Variants in RFX6 observed in about 807,000 individuals in gnomAD.
RFX6 encodes regulatory factor X6.
RFX6 carries 50 observed loss-of-function variants against 110.8 expected under a neutral mutation model. The ratio of observed to expected loss-of-function variants is 0.45; its 90% CI spans 0.36 to 0.57. The LOEUF is 0.57. Among genes scored for constraint, RFX6 ranks in the 20% least tolerant of loss-of-function variants. RFX6 has a pLI of 0.00. For synonymous variants in RFX6, 383 were observed against 411.2 expected (o/e 0.93, Z 0.83); for missense variants, 990 against 1,127.0 (o/e 0.88, Z 1.74).
intron 12 of RFX6, 102 bp downstream of exon 12, chr6:116,920,556 G>A: frequency 5.0e-6 from 5 of 994,868 alleles, no homozygotes; most frequent in East Asian, 4.8e-5. Context: ...GTGTGCTGTA[G>A]GATGTTTAGC....
chr6:116,897,977 G>A (rs1774986617), intron 6 of RFX6, among the ~76,000 whole-genome samples: 1 of 151,996 alleles, frequency 6.6e-6, no homozygotes, highest in Non-Finnish European at 1.5e-5. Flanking sequence ...TGAATGAGAA[G>A]ACAAGAGGTT....
intron 6 of RFX6, among the ~76,000 whole-genome samples, chr6:116,906,956 G>A (rs777439412): frequency 2.8e-4 from 43 of 151,274 alleles, no homozygotes; most frequent in Middle Eastern, 3.2e-3. Context: ...TGATCTTTGA[G>A]GAAAAGCTTT....
Position 116,877,889 on chromosome 6 carries a change from A to G in RFX6, c.317A>G (p.Gln106Arg), listed in dbSNP as rs1774499108. 6.2e-7 allele frequency: 1 copy of G among 1,614,038 alleles called. No homozygotes were observed. Among genetic ancestry groups the G allele is most frequent in the Non-Finnish European group, 8.5e-7 (1 of 1,179,994 alleles). Reference protein sequence around the residue: ...KTKAADQYLSQKKTITQIVKD... With the variant: ...KTKAADQYLSRKKTITQIVKD... The stretch of plus-strand genomic sequence containing the variant: ...AAAGCAGCGGATCAATACCTGTCTC[A>G]GAAGAAAACCATCACGCAGATTGTG... Residue 106 changes from glutamine to arginine, a missense_variant, in exon 2 of 19, where the codon CAG becomes CGG. By Grantham distance (43) the Gln-to-Arg change is conservative. Around this residue, in one of 5 missense-constraint regions of RFX6, gnomAD observed 175 missense variants for 162.3 expected, o/e 1.08. Coordinates refer to ENST00000332958, the MANE Select transcript of RFX6 (RefSeq NM_173560.4).
chr6:116,930,880 T>C (rs1479399915), intron 18 of RFX6, among the ~76,000 whole-genome samples: 3 of 152,072 alleles, frequency 2.0e-5, no homozygotes, highest in Non-Finnish European at 4.4e-5. Context: ...CACTATGGCA[T>C]TTGAGACGAG....
intron 7 of RFX6, among the ~76,000 whole-genome samples, chr6:116,915,750 A>G (rs1775447996): frequency 6.6e-6 from 1 of 152,072 alleles, no homozygotes; most frequent in Non-Finnish European, 1.5e-5. Context: ...TAAAACTAGG[A>G]TGTTACTTTG....
intron 3 of RFX6, among the ~76,000 whole-genome samples, chr6:116,881,241 T>TAG (rs1386143029): frequency 1.3e-5 from 2 of 152,156 alleles, no homozygotes; most frequent in Non-Finnish European, 1.5e-5. Flanking sequence ...TGCTTATATA[T>TAG]AGAGAGAGAG....
chr6:116,927,571 T>G, intron 17 of RFX6, 32 bp downstream of exon 17: 5 of 1,591,438 alleles, frequency 3.1e-6, no homozygotes, highest in South Asian at 1.1e-5. Flanking sequence ...TTTCTTGGTT[T>G]TTGAGATGGC....
At chr6:116,911,078 A>C (rs758956542) in intron 7 of RFX6, 36 bp downstream of exon 7, 2 of 1,366,094 alleles carry the variant, frequency 1.5e-6, no homozygotes, top group Non-Finnish European at 2.1e-6. Flanking sequence ...TGATTTTCTG[A>C]TATGTTGGCT....
intron 10 of RFX6, 119 bp downstream of exon 10, chr6:116,918,205 T>C: frequency 1.3e-6 from 1 of 794,582 alleles, no homozygotes. Flanking sequence ...TTTTCTACTT[T>C]TGTCCCTTTG....
intron 4 of RFX6, among the ~76,000 whole-genome samples, chr6:116,892,645 C>A (rs781409960): frequency 1.1e-4 from 17 of 152,154 alleles, no homozygotes; most frequent in Non-Finnish European, 1.8e-4. Flanking sequence ...GGTCTTTCCC[C>A]ACCACCATGT....
At chr6:116,883,048 A>C (rs1774624617) in intron 4 of RFX6, among the ~76,000 whole-genome samples, 2 of 152,102 alleles carry the variant, frequency 1.3e-5, no homozygotes, top group South Asian at 4.2e-4. Flanking sequence ...CTGTGTTTTC[A>C]GTTTCTCCTT....
chr6:116,925,303 G>A, intron 15 of RFX6, 150 bp from the exon 16 acceptor site: 1 of 759,878 alleles, frequency 1.3e-6, no homozygotes, highest in Non-Finnish European at 2.3e-6. Context: ...GCAAAGGTCT[G>A]CCAACCTCAC....
intron 4 of RFX6, among the ~76,000 whole-genome samples, chr6:116,890,663 T>G (rs901620036): frequency 3.9e-5 from 6 of 152,210 alleles, no homozygotes; most frequent in African/African-American, 1.4e-4. Flanking sequence ...CATTTCTCTC[T>G]TGTAGAGCTG....
At chr6:116,906,743 TTG>T (rs56724266) in intron 6 of RFX6, among the ~76,000 whole-genome samples, 69,734 of 149,882 alleles carry the variant, frequency 0.47, 16,279 homozygotes, top group East Asian at 0.51. Context: ...CATTTATGAG[TTG>T]TGTGTGTGTG....
intron 3 of RFX6, among the ~76,000 whole-genome samples, chr6:116,881,028 C>A (rs1343549872): frequency 6.6e-6 from 1 of 152,020 alleles, no homozygotes; most frequent in African/African-American, 2.4e-5. Context: ...GTTATCCATA[C>A]TATTTACCTA....
chr6:116,884,477 G>A (rs1774657476), intron 4 of RFX6, among the ~76,000 whole-genome samples: 1 of 152,118 alleles, frequency 6.6e-6, no homozygotes, highest in African/African-American at 2.4e-5. Flanking sequence ...AAGGCAAAAT[G>A]GGTCCCTTCC....
intron 4 of RFX6, among the ~76,000 whole-genome samples, chr6:116,891,786 T>A (rs1198927470): frequency 1.3e-5 from 2 of 152,206 alleles, no homozygotes; most frequent in Non-Finnish European, 1.5e-5. Flanking sequence ...TTTGGTAAAG[T>A]CTTTATGACT....
intron 4 of RFX6, among the ~76,000 whole-genome samples, chr6:116,891,838 T>G (rs1774837446): frequency 6.6e-6 from 1 of 152,186 alleles, no homozygotes; most frequent in South Asian, 2.1e-4. Flanking sequence ...AGAGACATAC[T>G]CAGTTTAGTA....
At chr6:116,924,049 T>C (rs1183912455) in intron 14 of RFX6, among the ~76,000 whole-genome samples, 1 of 152,192 alleles carries the variant, frequency 6.6e-6, no homozygotes, top group African/African-American at 2.4e-5. Context: ...ACTTCCCATA[T>C]TTAAAGTTTT....
Sources: allele counts gnomAD v4.1 joint callset (sites outside exome capture counted in the v4.1 genomes callset), GRCh38; gene constraint gnomAD v4.1.1; regional missense constraint gnomAD v4.1.1; transcripts MANE v1.5; gene names NCBI Gene and HGNC (gene_info 2026-07-23, HGNC 2026-07-21).